CD200R1: variants seen among roughly 807,000 people sequenced by gnomAD.
The protein encoded by CD200R1 is cell surface glycoprotein CD200 receptor 1.
CD200R1 carries 30 observed loss-of-function variants against 38.1 expected under a neutral mutation model. The ratio of observed to expected loss-of-function variants is 0.79; its 90% CI spans 0.59 to 1.07. The LOEUF (loss-of-function observed/expected upper bound fraction) is 1.07, where lower values mean the gene tolerates loss of function less well. Ranked by LOEUF, CD200R1 falls within the 50% of genes least tolerant of loss-of-function variation. The probability of loss-of-function intolerance (pLI) is 0.00; values close to 1 mark genes in which losing one functional copy is unlikely to be tolerated. For missense variants in CD200R1, 372 were observed against 415.4 expected (o/e 0.90, Z 0.91); for synonymous variants, 128 against 152.1 (o/e 0.84, Z 1.16).
intron 2 of CD200R1, among the ~76,000 whole-genome samples, chr3:112,936,544 C>T (rs1211412846): frequency 6.6e-6 from 1 of 152,132 alleles, no homozygotes; most frequent in Admixed American, 6.6e-5. Context: ...TTGCATTTCT[C>T]TAATGATCAG....
intron 1 of CD200R1, among the ~76,000 whole-genome samples, chr3:112,968,124 T>A (rs1342696497): frequency 6.6e-6 from 1 of 152,216 alleles, no homozygotes; most frequent in African/African-American, 2.4e-5. Context: ...GTTATATTTG[T>A]ATTTAGAAAT....
chr3:112,965,723 T>C (rs866513539), intron 1 of CD200R1, among the ~76,000 whole-genome samples: 6 of 151,628 alleles, frequency 4.0e-5, no homozygotes, highest in Non-Finnish European at 5.9e-5. Context: ...ATCGCACCAC[T>C]GCACTCGAGC....
intron 1 of CD200R1, among the ~76,000 whole-genome samples, chr3:112,968,106 AAC>A (rs1933212895): frequency 6.6e-6 from 1 of 152,204 alleles, no homozygotes; most frequent in Non-Finnish European, 1.5e-5. Flanking sequence ...CTTTAGACCC[AAC>A]ACAGAGTTAT....
chr3:112,921,498 A>G lies in CD200R1; in HGVS notation c.*2179T>C, dbSNP rs916027351. 3 of 152,074 alleles carry G rather than the reference A, an allele frequency of 2.0e-5. No homozygotes were observed. Among genetic ancestry groups the G allele is most frequent in the African/African-American group, 7.2e-5 (3 of 41,438 alleles). The allele number at this position is 152,074 out of a possible 1,614,324, so 9.4% of individuals were successfully genotyped here. On this transcript the variant is annotated 3_prime_UTR_variant, in exon 8 of 8. Coordinates refer to ENST00000308611, the MANE Select transcript of CD200R1 (RefSeq NM_138806.4). ...ATTGACAAATCTAGCAAAGCAAAGG[A>G]AAAGATACAAAATGGGATGGGGAGA...
intron 2 of CD200R1, among the ~76,000 whole-genome samples, chr3:112,944,786 C>A (rs375185143): frequency 1.3e-5 from 2 of 152,096 alleles, no homozygotes; most frequent in South Asian, 2.1e-4. Context: ...TAAGAAATTG[C>A]AGCAAGGTTG....
intron 2 of CD200R1, among the ~76,000 whole-genome samples, chr3:112,940,735 GT>G (rs1275350236): frequency 3.3e-5 from 5 of 151,760 alleles, no homozygotes; most frequent in African/African-American, 1.2e-4. Context: ...ATGAAGAATA[GT>G]ATGGAAGTTC....
At chr3:112,962,631 A>T (rs1015915890) in intron 1 of CD200R1, among the ~76,000 whole-genome samples, 4 of 152,222 alleles carry the variant, frequency 2.6e-5, no homozygotes, top group African/African-American at 9.6e-5. Flanking sequence ...ACACTAGGTC[A>T]GGGATTATAG....
intron 2 of CD200R1, among the ~76,000 whole-genome samples, chr3:112,940,964 T>C (rs2107317625): frequency 1.3e-5 from 2 of 152,008 alleles, no homozygotes; most frequent in Middle Eastern, 6.8e-3. Flanking sequence ...AATGGAATAC[T>C]ATTCAGCCAT....
intron 1 of CD200R1, among the ~76,000 whole-genome samples, chr3:112,952,214 T>C (rs1481336640): frequency 6.6e-6 from 1 of 152,180 alleles, no homozygotes; most frequent in African/African-American, 2.4e-5. Context: ...TTTATCTCCT[T>C]GGTTAAATTT....
chr3:112,964,401 G>T (rs1038860485), intron 1 of CD200R1, among the ~76,000 whole-genome samples: 1 of 152,190 alleles, frequency 6.6e-6, no homozygotes, highest in African/African-American at 2.4e-5. Context: ...AAGCCACAGG[G>T]GCAGAGCTAC....
At chr3:112,962,990 A>G (rs886635259) in intron 1 of CD200R1, among the ~76,000 whole-genome samples, 50 of 152,184 alleles carry the variant, frequency 3.3e-4, no homozygotes, top group African/African-American at 1.1e-3. Context: ...GGTCTTTCCC[A>G]TGCTGTTCTC....
chr3:112,937,601 G>A (rs1391833770), intron 2 of CD200R1, among the ~76,000 whole-genome samples: 1 of 152,190 alleles, frequency 6.6e-6, no homozygotes, highest in Non-Finnish European at 1.5e-5. Context: ...TAGCCCTATA[G>A]TATAGTTTGA....
At chr3:112,932,235 C>G (rs999588390) in intron 2 of CD200R1, among the ~76,000 whole-genome samples, 1 of 152,134 alleles carries the variant, frequency 6.6e-6, no homozygotes, top group Admixed American at 6.5e-5. Flanking sequence ...CTGTACCTCT[C>G]CAGCCCACCA....
intron 1 of CD200R1, among the ~76,000 whole-genome samples, chr3:112,950,701 T>C (rs904214797): frequency 6.6e-6 from 1 of 151,880 alleles, no homozygotes; most frequent in African/African-American, 2.4e-5. Context: ...TAAAAAAAAC[T>C]GAAGTCATAT....
intron 1 of CD200R1, among the ~76,000 whole-genome samples, chr3:112,969,540 T>A (rs947372323): frequency 2.0e-5 from 3 of 152,220 alleles, no homozygotes; most frequent in African/African-American, 7.2e-5. Flanking sequence ...CAACAGACAG[T>A]CTTCAGTTTT....
chr3:112,958,594 C>T (rs937305052), intron 1 of CD200R1, among the ~76,000 whole-genome samples: 3 of 152,082 alleles, frequency 2.0e-5, no homozygotes, highest in African/African-American at 4.8e-5. Flanking sequence ...TATTAAATTA[C>T]ATGTTTTAAA....
intron 2 of CD200R1, among the ~76,000 whole-genome samples, chr3:112,934,242 G>T (rs1187055619): frequency 6.6e-6 from 1 of 151,992 alleles, no homozygotes; most frequent in Non-Finnish European, 1.5e-5. Flanking sequence ...CAAGAGAAAA[G>T]CATCAAGCCA....
intron 2 of CD200R1, among the ~76,000 whole-genome samples, chr3:112,934,486 T>C (rs7615572): frequency 0.6 from 90,968 of 151,878 alleles, 27,663 homozygotes; most frequent in African/African-American, 0.71. Context: ...TGAATGTAAA[T>C]GGATTCAATT....
In CD200R1 at chr3:112,975,025, A is replaced by G. The variant is rs1195935179; in HGVS notation, c.-168T>C. ...CCTTCTAGCCCCTTCCTTCACGTCTATGTGGTTTAGCCTGGTTAGTAACTT... is the reference window on the plus strand; with the variant it reads ...CCTTCTAGCCCCTTCCTTCACGTCTGTGTGGTTTAGCCTGGTTAGTAACTT... On this transcript the variant is annotated 5_prime_UTR_variant, in exon 1 of 8. Transcript: ENST00000308611. 8 of 612,418 alleles carry G rather than the reference A, an allele frequency of 1.3e-5. No individual in the cohort carries two copies. Among genetic ancestry groups the G allele is most frequent in the South Asian group, 2.0e-5 (1 of 50,258 alleles). The allele number at this position is 612,418 out of a possible 1,614,324, so 37.9% of individuals were successfully genotyped here. A position where few individuals can be genotyped will look rare whatever the true frequency, so the allele number is the denominator to read the frequency against.
Sources: allele counts gnomAD v4.1 joint callset (sites outside exome capture counted in the v4.1 genomes callset), GRCh38; gene constraint gnomAD v4.1.1; transcripts MANE v1.5; gene names NCBI Gene and HGNC (gene_info 2026-07-23, HGNC 2026-07-21).